EML4: variants seen among roughly 807,000 people sequenced by gnomAD.
The protein encoded by EML4 is echinoderm microtubule-associated protein-like 4.
A neutral mutation model predicts 129.0 loss-of-function variants in EML4; 72 were observed. That is an observed-to-expected ratio of 0.56 (90% CI 0.46 to 0.68). The LOEUF is 0.68. EML4 is among the 30% of genes least tolerant of loss of function. The pLI, the probability that EML4 is intolerant of heterozygous loss-of-function variation, is 0.00. For missense variants in EML4, 1,363 were observed against 1,190.6 expected, an observed-to-expected ratio of 1.14 and a Z score of -2.13; for synonymous variants, 532 against 405.0, an observed-to-expected ratio of 1.31 and a Z score of -3.77.
At chr2:42,306,628 G>A (rs1419085546) in intron 17 of EML4, among the ~76,000 whole-genome samples, 1 of 150,592 alleles carries the variant, frequency 6.6e-6, no homozygotes. Flanking sequence ...AAGTAGCTGG[G>A]ACTACAGGCG....
rs369435675 is a variant in EML4, at chr2:42,171,848, T to C, written c.25+2212T>C. Among the ~76,000 whole-genome samples the C allele has an allele frequency of 3.9e-5, 6 of 152,320 alleles. No homozygotes were observed. The South Asian group carries it at 1.2e-3, about 32-fold the overall frequency. ...AGAGTAAAACTAGGCCCCATCTTAA[T>C]TGAAACCTTAAAGGGGTGGGGGAGG... On this transcript the variant is annotated intron_variant, in intron 1 of 22. Coordinates refer to ENST00000318522, the MANE Select transcript of EML4 (RefSeq NM_019063.5).
intron 1 of EML4, among the ~76,000 whole-genome samples, chr2:42,226,646 G>GA (rs891010948): frequency 1.3e-5 from 2 of 151,476 alleles, no homozygotes; most frequent in Middle Eastern, 3.2e-3. Flanking sequence ...AACAGAGTAA[G>GA]ACTCTGTCTC....
At chr2:42,259,371 T>G (rs1665563625) in intron 3 of EML4, among the ~76,000 whole-genome samples, 1 of 152,178 alleles carries the variant, frequency 6.6e-6, no homozygotes, top group Non-Finnish European at 1.5e-5. Flanking sequence ...AAGAGTGTTT[T>G]CAGTATAAGT....
intron 8 of EML4, among the ~76,000 whole-genome samples, chr2:42,283,683 A>G (rs1667138542): frequency 6.6e-6 from 1 of 152,196 alleles, no homozygotes; most frequent in African/African-American, 2.4e-5. Context: ...ATAGATATTG[A>G]ACTTTTGGAG....
chr2:42,229,721 G>A (rs1674201377), intron 1 of EML4, among the ~76,000 whole-genome samples: 1 of 152,008 alleles, frequency 6.6e-6, no homozygotes, highest in Non-Finnish European at 1.5e-5. Flanking sequence ...ATAGTAAGAG[G>A]AAAACTCTAG....
At chr2:42,231,222 C>T (rs1171178045) in intron 1 of EML4, among the ~76,000 whole-genome samples, 1 of 152,174 alleles carries the variant, frequency 6.6e-6, no homozygotes, top group Non-Finnish European at 1.5e-5. Flanking sequence ...GATATCTTTG[C>T]AGTCTAACAT....
In EML4 at chr2:42,188,616, G is replaced by T. The variant is rs536770878; in HGVS notation, c.25+18980G>T. Among the ~76,000 whole-genome samples the T allele has an allele frequency of 5.9e-5, 9 of 152,012 alleles. No homozygotes were observed. In the East Asian group the frequency reaches 1.8e-3, roughly 30 times the overall value. ...GCTGGAGTGCAGTGGTGCGATCTTG[G>T]CTCACTGCAGCCTCTGCCTCCTGTG... On this transcript the variant is annotated intron_variant, in intron 1 of 22. Coordinates refer to ENST00000318522, the MANE Select transcript of EML4 (RefSeq NM_019063.5).
intron 1 of EML4, among the ~76,000 whole-genome samples, chr2:42,183,187 T>A (rs1203796787): frequency 6.6e-6 from 1 of 152,218 alleles, no homozygotes; most frequent in African/African-American, 2.4e-5. Flanking sequence ...ATCTAATGAT[T>A]TAACAAATAT....
chr2:42,172,384 T>A (rs1336097105), intron 1 of EML4, among the ~76,000 whole-genome samples: 1 of 152,238 alleles, frequency 6.6e-6, no homozygotes, highest in Non-Finnish European at 1.5e-5. Context: ...AGATGTCTAA[T>A]GGCAATTAAG....
chr2:42,323,521 C>T (rs1669629718), intron 19 of EML4, among the ~76,000 whole-genome samples: 1 of 152,152 alleles, frequency 6.6e-6, no homozygotes, highest in Non-Finnish European at 1.5e-5. Context: ...GAGATTATGG[C>T]TCCAGAAAGG....
chr2:42,239,307 C>CT (rs1468614084), intron 1 of EML4, among the ~76,000 whole-genome samples: 1 of 152,068 alleles, frequency 6.6e-6, no homozygotes, highest in Non-Finnish European at 1.5e-5. Context: ...GGATTGCCAA[C>CT]TTTTGGATAT....
chr2:42,208,686 G>A (rs1355340406), intron 1 of EML4, among the ~76,000 whole-genome samples: 1 of 151,444 alleles, frequency 6.6e-6, no homozygotes, highest in Non-Finnish European at 1.5e-5. Flanking sequence ...ACCCTCCTTG[G>A]CCTCCCAAAG....
chr2:42,292,994 TTCAG>T (rs1249070596), intron 11 of EML4, among the ~76,000 whole-genome samples: 2 of 152,218 alleles, frequency 1.3e-5, no homozygotes, highest in African/African-American at 2.4e-5. Flanking sequence ...CTAAAGACTG[TTCAG>T]TCAATCTTTA....
At chr2:42,306,117 A>C (rs1330064087) in intron 17 of EML4, among the ~76,000 whole-genome samples, 2 of 152,224 alleles carry the variant, frequency 1.3e-5, no homozygotes, top group African/African-American at 2.4e-5. Context: ...GATACTTTGC[A>C]AATATAGAAG....
intron 1 of EML4, among the ~76,000 whole-genome samples, chr2:42,215,136 C>A (rs995107423): frequency 6.6e-6 from 1 of 152,114 alleles, no homozygotes; most frequent in African/African-American, 2.4e-5. Flanking sequence ...TATGGCTCAC[C>A]GCAGCTTCAA....
intron 6 of EML4, among the ~76,000 whole-genome samples, chr2:42,273,731 C>T (rs1421705979): frequency 6.6e-6 from 1 of 152,114 alleles, no homozygotes; most frequent in Non-Finnish European, 1.5e-5. Flanking sequence ...TAATCTTTAG[C>T]AAGTACTGGA....
Position 42,196,818 on chromosome 2 carries a change from G to C in EML4, c.25+27182G>C, listed in dbSNP as rs775379208. ...CTTGAGTTTGTGGAAGAGAGACTGG[G>C]AGAGTTTTCTGTAATACCTAATACA... On this transcript the variant is annotated intron_variant, in intron 1 of 22. Transcript: ENST00000318522. 1.4e-3 allele frequency among the ~76,000 whole-genome samples: 212 copies of C among 152,288 alleles called. 1 individual carries two copies. Among genetic ancestry groups the C allele is most frequent in the Non-Finnish European group, 2.3e-3 (154 of 68,034 alleles).
At chr2:42,315,714 C>G (rs1417995252) in intron 17 of EML4, among the ~76,000 whole-genome samples, 2 of 151,664 alleles carry the variant, frequency 1.3e-5, no homozygotes, top group East Asian at 1.9e-4. Context: ...TCTCTAAAAT[C>G]AAAAAAGAAA....
At chr2:42,244,712 A>T (rs1675272233) in intron 1 of EML4, among the ~76,000 whole-genome samples, 1 of 152,088 alleles carries the variant, frequency 6.6e-6, no homozygotes, top group Admixed American at 6.6e-5. Context: ...AGTAGTAAAG[A>T]TGCTTCCTCA....
Sources: gnomAD v4.1 joint callset for allele counts (sites outside exome capture counted in the v4.1 genomes callset) on GRCh38, gnomAD v4.1.1 for gene constraint, MANE v1.5 for transcripts, NCBI Gene and HGNC (gene_info 2026-07-23, HGNC 2026-07-21) for gene names.